GLI3: variants seen among roughly 807,000 people sequenced by gnomAD.
The protein encoded by GLI3 is GLI family zinc finger 3.
GLI3 carries 20 observed loss-of-function variants against 100.8 expected under a neutral mutation model. The ratio of observed to expected loss-of-function variants is 0.20; its 90% confidence interval spans 0.14 to 0.29. The LOEUF (loss-of-function observed/expected upper bound fraction) is 0.29, where lower values mean the gene tolerates loss of function less well. GLI3 is among the 10% of genes least tolerant of loss of function. The pLI, the probability that GLI3 is intolerant of heterozygous loss-of-function variation, is 1.00. For synonymous variants in GLI3, 938 were observed against 860.5 expected, an observed-to-expected ratio of 1.09 and a Z score of -1.58; for missense variants, 2,040 against 2,128.5, an observed-to-expected ratio of 0.96 and a Z score of 0.82.
intron 4 of GLI3, among the ~76,000 whole-genome samples, chr7:42,053,277 G>A (rs10248730): frequency 0.063 from 9,518 of 152,244 alleles, 427 homozygotes; most frequent in Non-Finnish European, 0.097. Context: ...GATTACAGGC[G>A]TGAGCCATGG....
intron 1 of GLI3, among the ~76,000 whole-genome samples, chr7:42,230,658 A>G (rs1788680028): frequency 6.6e-6 from 1 of 152,220 alleles, no homozygotes; most frequent in Admixed American, 6.5e-5. Context: ...CTGTTGCCAG[A>G]AGTACTTGAT....
At chr7:42,104,086 G>A (rs1198938511) in intron 3 of GLI3, among the ~76,000 whole-genome samples, 2 of 152,104 alleles carry the variant, frequency 1.3e-5, no homozygotes, top group African/African-American at 4.8e-5. Flanking sequence ...ACAAGTATAT[G>A]AGCATACTTA....
chr7:42,005,285 C>T (rs927713053), intron 10 of GLI3, among the ~76,000 whole-genome samples: 3 of 152,060 alleles, frequency 2.0e-5, no homozygotes, highest in Non-Finnish European at 4.4e-5. Flanking sequence ...ATTATGTTCC[C>T]CTTATTGAAT....
intron 3 of GLI3, among the ~76,000 whole-genome samples, chr7:42,105,523 T>C (rs1050200782): frequency 3.3e-5 from 5 of 151,946 alleles, no homozygotes; most frequent in Non-Finnish European, 5.9e-5. Flanking sequence ...GATGGGGAGA[T>C]AGGATGACGC....
At chr7:42,078,964 C>T (rs770754651) in intron 3 of GLI3, among the ~76,000 whole-genome samples, 44 of 152,070 alleles carry the variant, frequency 2.9e-4, no homozygotes, top group Non-Finnish European at 4.4e-4. Context: ...CTCCTGACCT[C>T]GTGATCTGCC....
intron 10 of GLI3, among the ~76,000 whole-genome samples, chr7:41,985,879 A>G (rs927411820): frequency 5.9e-5 from 9 of 152,248 alleles, no homozygotes; most frequent in Admixed American, 4.6e-4. Context: ...CTTTAATTTT[A>G]GATAAATAAA....
chr7:42,078,357 T>C (rs1232428624), intron 3 of GLI3, among the ~76,000 whole-genome samples: 1 of 152,154 alleles, frequency 6.6e-6, no homozygotes, highest in African/African-American at 2.4e-5. Flanking sequence ...TTTGATTTTG[T>C]CCCTGCTGCC....
chr7:42,092,896 C>A (rs1485011725), intron 3 of GLI3, among the ~76,000 whole-genome samples: 1 of 151,896 alleles, frequency 6.6e-6, no homozygotes, highest in African/African-American at 2.4e-5. Flanking sequence ...TCACTGCAAC[C>A]TCCGTCTCTG....
chr7:42,053,660 G>A (rs536737814), intron 4 of GLI3, among the ~76,000 whole-genome samples: 1 of 152,132 alleles, frequency 6.6e-6, no homozygotes, highest in African/African-American at 2.4e-5. Context: ...CACCGCTTTC[G>A]GTCTTTGTGG....
At chr7:41,968,752 GAAAGAAA>G (rs1787283856) in intron 13 of GLI3, among the ~76,000 whole-genome samples, 1 of 121,388 alleles carries the variant, frequency 8.2e-6, no homozygotes, top group Non-Finnish European at 1.7e-5. Flanking sequence ...AAGAAAGAAA[GAAAGAAA>G]GAAGGAAAGA....
chr7:42,022,982 A>G (rs1233261146), intron 10 of GLI3, among the ~76,000 whole-genome samples: 1 of 152,224 alleles, frequency 6.6e-6, no homozygotes, highest in Non-Finnish European at 1.5e-5. Flanking sequence ...CCTCAAACCA[A>G]GAAATTATGC....
At position 42,026,312 on chromosome 7, in the gene GLI3, T is replaced by C. The variant is rs1478573653; in HGVS notation, c.1129A>G (p.Ser377Gly). The C allele has an allele frequency of 6.2e-7, 1 of 1,614,066 alleles. No individual in the cohort carries two copies. Among genetic ancestry groups the C allele is most frequent in the Non-Finnish European group, 8.5e-7 (1 of 1,179,934 alleles). The change falls in exon 8 of 15, where the codon AGC becomes GGC. Residue 377 changes from serine to glycine, a missense_variant. Ser to Gly is a moderately conservative substitution (Grantham distance 56). Around this residue, in one of 5 missense-constraint regions of GLI3, gnomAD observed 603 missense variants for 690.9 expected, o/e 0.87. Coordinates refer to ENST00000395925, the MANE Select transcript of GLI3 (RefSeq NM_000168.6). ...QQSLGSAFGH[S>G]PPLIHPAPTF... is the part of the protein sequence containing the mutation. ...GGGGCAGGGTGGATGAGTGGAGGGC[T>C]GTGTCCAAAGGCTGAACCTAAGCTC...
intron 3 of GLI3, among the ~76,000 whole-genome samples, chr7:42,097,499 C>T (rs1785366276): frequency 6.6e-6 from 1 of 152,140 alleles, no homozygotes; most frequent in African/African-American, 2.4e-5. Flanking sequence ...GGGGCCTACC[C>T]CGGGAGCCCC....
At position 42,040,118 on chromosome 7, in the gene GLI3, G is replaced by A. The variant is rs1458216501; in HGVS notation, c.948C>T (p.Ser316=). 2 of 1,614,070 alleles carry A rather than the reference G, an allele frequency of 1.2e-6. No homozygotes were observed. Among genetic ancestry groups the A allele is most frequent in the Non-Finnish European group, 1.7e-6 (2 of 1,179,914 alleles). The change falls in exon 7 of 15, where the codon TCC becomes TCT. Residue 316 remains serine, a synonymous_variant. Transcript: ENST00000395925. ...LQTMIRTSPN[S]LVTILNNSRS... ...GGGAATTATTGAGAATCGTGACCAA[G>A]GAGTTGGGAGACGTCCTTATCATGG...
At chr7:42,114,116 G>T (rs1354822027) in intron 3 of GLI3, among the ~76,000 whole-genome samples, 1 of 152,176 alleles carries the variant, frequency 6.6e-6, no homozygotes, top group Non-Finnish European at 1.5e-5. Flanking sequence ...AAAGAGCAGT[G>T]GTTCCGTTTC....
intron 10 of GLI3, among the ~76,000 whole-genome samples, chr7:42,007,105 G>C (rs1310705456): frequency 1.3e-5 from 2 of 151,356 alleles, no homozygotes; most frequent in Non-Finnish European, 2.9e-5. Context: ...TCTTGAAGGA[G>C]AGAAGGAAAA....
chr7:42,112,895 G>A (rs1028967674), intron 3 of GLI3, among the ~76,000 whole-genome samples: 14 of 152,250 alleles, frequency 9.2e-5, no homozygotes, highest in South Asian at 6.2e-4. Context: ...AAATAGGGCC[G>A]GGTGTAGTGG....
At chr7:42,121,674 C>T (rs1346693850) in intron 3 of GLI3, among the ~76,000 whole-genome samples, 1 of 152,130 alleles carries the variant, frequency 6.6e-6, no homozygotes, top group Non-Finnish European at 1.5e-5. Flanking sequence ...GTGACAGCTT[C>T]CAGTTTGTAT....
intron 3 of GLI3, among the ~76,000 whole-genome samples, chr7:42,125,298 A>G (rs1786098827): frequency 6.6e-6 from 1 of 152,114 alleles, no homozygotes; most frequent in Non-Finnish European, 1.5e-5. Context: ...TCTCATGTAA[A>G]CCTTAAAGAG....
Sources: gnomAD v4.1 joint callset for allele counts (sites outside exome capture counted in the v4.1 genomes callset) on GRCh38, gnomAD v4.1.1 for gene constraint, gnomAD v4.1.1 regional missense constraint, MANE v1.5 for transcripts, NCBI Gene and HGNC (gene_info 2026-07-23, HGNC 2026-07-21) for gene names.